The following TMIGD3 variants were observed in gnomAD, a reference collection of about 807,000 sequenced individuals.
TMIGD3 encodes transmembrane and immunoglobulin domain containing 3.
A neutral mutation model predicts 28.1 loss-of-function variants in TMIGD3; 21 were observed. The ratio of observed to expected loss-of-function variants is 0.75; its 90% confidence interval spans 0.53 to 1.08. The LOEUF (loss-of-function observed/expected upper bound fraction) is 1.08, where lower values mean the gene tolerates loss of function less well. Among genes scored for constraint, TMIGD3 ranks in the 50% least tolerant of loss-of-function variants. The probability of loss-of-function intolerance (pLI) is 0.00; values close to 1 mark genes in which losing one functional copy is unlikely to be tolerated. For missense variants in TMIGD3, 416 were observed against 435.6 expected (o/e 0.96, Z 0.40); for synonymous variants, 151 against 162.1 (o/e 0.93, Z 0.52).
intron 1 of TMIGD3, among the ~76,000 whole-genome samples, chr1:111,512,241 C>G (rs1180667755): frequency 6.6e-6 from 1 of 152,236 alleles, no homozygotes; most frequent in Non-Finnish European, 1.5e-5. Flanking sequence ...TCAGCAGTGC[C>G]CTTCAGGCCC....
intron 1 of TMIGD3, among the ~76,000 whole-genome samples, chr1:111,550,706 GCAGGCCT>G (rs1251091899): frequency 1.3e-5 from 2 of 152,206 alleles, no homozygotes; most frequent in African/African-American, 2.4e-5. Context: ...ATGTTGCCCA[GCAGGCCT>G]TGAACTCCTA....
chr1:111,539,743 T>C (rs2364813), intron 1 of TMIGD3, among the ~76,000 whole-genome samples: 14,649 of 152,226 alleles, frequency 0.096, 1,170 homozygotes, highest in East Asian at 0.47. Flanking sequence ...GAAAGCATAT[T>C]GCAGGTTAAT....
chr1:111,503,933 G>A (rs1218561105), upstream of TMIGD3: 3 of 985,298 alleles, frequency 3.0e-6, no homozygotes, highest in Non-Finnish European at 3.6e-6. Context: ...TGGAAGCACT[G>A]ACTATGCAAT....
chr1:111,494,515 G>T (rs1324596513), intron 1 of TMIGD3, among the ~76,000 whole-genome samples: 1 of 152,090 alleles, frequency 6.6e-6, no homozygotes, highest in African/African-American at 2.4e-5. Flanking sequence ...GGAGGTGAAA[G>T]ATCTCTATAA....
At chr1:111,500,552 T>C in intron 1 of TMIGD3, 2 of 1,613,542 alleles carry the variant, frequency 1.2e-6, no homozygotes, top group Non-Finnish European at 1.7e-6. Flanking sequence ...GTGACCCTCT[T>C]GTATCTGTGT....
At chr1:111,554,711 G>C (rs2101039851) in intron 1 of TMIGD3, among the ~76,000 whole-genome samples, 1 of 152,328 alleles carries the variant, frequency 6.6e-6, no homozygotes, top group East Asian at 1.9e-4. Context: ...AACCACATGT[G>C]AGACTTCAAA....
At chr1:111,520,435 G>C (rs745512768) in intron 1 of TMIGD3, among the ~76,000 whole-genome samples, 2 of 152,196 alleles carry the variant, frequency 1.3e-5, no homozygotes, top group Non-Finnish European at 2.9e-5. Context: ...AAAAGGGTGA[G>C]AGTAAATCTC....
At chr1:111,546,992 T>A (rs1417940195) in intron 1 of TMIGD3, among the ~76,000 whole-genome samples, 1 of 152,198 alleles carries the variant, frequency 6.6e-6, no homozygotes, top group African/African-American at 2.4e-5. Flanking sequence ...GAGTGTAAAG[T>A]GGAACAATGC....
chr1:111,496,989 G>T (rs1228007608), intron 1 of TMIGD3, among the ~76,000 whole-genome samples: 1 of 152,186 alleles, frequency 6.6e-6, no homozygotes, highest in Non-Finnish European at 1.5e-5. Flanking sequence ...GCAAACCTCA[G>T]TTTTGTCTGG....
intron 1 of TMIGD3, among the ~76,000 whole-genome samples, chr1:111,563,410 T>C (rs1284725920): frequency 6.6e-6 from 1 of 152,240 alleles, no homozygotes; most frequent in Non-Finnish European, 1.5e-5. Context: ...CCTTGAAATG[T>C]CAGGATGTGG....
At position 111,561,871 on chromosome 1, in the gene TMIGD3, A is replaced by AT. The variant is rs933304095; in HGVS notation, c.107+1974dup. On this transcript the variant is annotated intron_variant, in intron 1 of 5. Transcript: ENST00000369717. The stretch of plus-strand genomic sequence containing the variant: ...CTATAGTCCTAACTCAGGGCCAAGC[A>AT]TTTTTGGCCCGGACTTTTTCAACAC... 9.3e-4 allele frequency among the ~76,000 whole-genome samples: 141 copies of AT among 152,026 alleles called. 1 individual carries two copies. The highest frequency in any genetic ancestry group is 3.2e-3 in the African/African-American group (133 of 41,448).
At chr1:111,525,859 G>A (rs1366167174) in intron 1 of TMIGD3, among the ~76,000 whole-genome samples, 1 of 152,146 alleles carries the variant, frequency 6.6e-6, no homozygotes, top group African/African-American at 2.4e-5. Context: ...GCGAGACTCT[G>A]TCTCAAAACA....
chr1:111,517,662 C>T (rs1249281515), intron 1 of TMIGD3, among the ~76,000 whole-genome samples: 1 of 152,106 alleles, frequency 6.6e-6, no homozygotes, highest in African/African-American at 2.4e-5. Flanking sequence ...TAAAGTGAGA[C>T]TGAAAGAGGT....
chr1:111,561,642 T>A (rs567616605), intron 1 of TMIGD3, among the ~76,000 whole-genome samples: 1 of 152,326 alleles, frequency 6.6e-6, no homozygotes, highest in African/African-American at 2.4e-5. Flanking sequence ...AGGCCATTAC[T>A]CTTCTCTCCT....
At chr1:111,490,465 C>A in intron 2 of TMIGD3, 191 bp downstream of exon 2, 1 of 571,890 alleles carries the variant, frequency 1.7e-6, no homozygotes, top group Non-Finnish European at 3.1e-6. Flanking sequence ...TCCTCACAAA[C>A]TCTCTTATCT....
intron 1 of TMIGD3, among the ~76,000 whole-genome samples, chr1:111,517,957 TC>T (rs1211062935): frequency 6.6e-6 from 1 of 152,208 alleles, no homozygotes; most frequent in Non-Finnish European, 1.5e-5. Flanking sequence ...CAGACTGGGT[TC>T]TTTTGTATCT....
intron 1 of TMIGD3, among the ~76,000 whole-genome samples, chr1:111,498,472 C>T (rs1404188180): frequency 1.3e-5 from 2 of 152,170 alleles, no homozygotes; most frequent in Non-Finnish European, 2.9e-5. Flanking sequence ...ATCTGGAAGT[C>T]CTCAAGCGTA....
intron 1 of TMIGD3, among the ~76,000 whole-genome samples, chr1:111,525,532 C>A (rs1282108215): frequency 2.6e-5 from 4 of 152,126 alleles, no homozygotes; most frequent in Admixed American, 1.3e-4. Context: ...GATTTTTAAT[C>A]TTGTTACTTT....
At chr1:111,535,486 A>T (rs777854885) in intron 1 of TMIGD3, among the ~76,000 whole-genome samples, 3 of 152,256 alleles carry the variant, frequency 2.0e-5, no homozygotes, top group Non-Finnish European at 4.4e-5. Flanking sequence ...ACATTCCTGT[A>T]GGGGTAGTCT....
Sources: allele counts gnomAD v4.1 joint callset (sites outside exome capture counted in the v4.1 genomes callset), GRCh38; gene constraint gnomAD v4.1.1; transcripts MANE v1.5; gene names NCBI Gene and HGNC (gene_info 2026-07-23, HGNC 2026-07-21).